CAST: variants seen among roughly 807,000 people sequenced by gnomAD.
CAST encodes MIR583 host.
In CAST, 76 loss-of-function variants were observed where a neutral mutation model predicts 119.6. That is an observed-to-expected ratio of 0.64 (90% CI 0.53 to 0.77). The LOEUF (loss-of-function observed/expected upper bound fraction) is 0.77, where lower values mean the gene tolerates loss of function less well. CAST is among the 30% of genes least tolerant of loss of function. The pLI, the probability that CAST is intolerant of heterozygous loss-of-function variation, is 0.00. For synonymous variants in CAST, 319 were observed against 331.6 expected, an observed-to-expected ratio of 0.96 and a Z score of 0.41; for missense variants, 953 against 946.5, an observed-to-expected ratio of 1.01 and a Z score of -0.09.
At chr5:96,691,833 TCA>T (rs1752760107) in intron 2 of CAST, among the ~76,000 whole-genome samples, 1 of 152,210 alleles carries the variant, frequency 6.6e-6, no homozygotes, top group Non-Finnish European at 1.5e-5. Context: ...GTGCCTTTCT[TCA>T]CAGAGTCATG....
At chr5:96,367,866 A>G in the CAST span, among the ~76,000 whole-genome samples, 1 of 151,918 alleles carries the variant, frequency 6.6e-6, no homozygotes, top group Non-Finnish European at 1.5e-5. Flanking sequence ...AGTGAGATGA[A>G]CCCAGTACCT....
chr5:96,077,762 C>A, the CAST span, among the ~76,000 whole-genome samples: 227 of 152,282 alleles, frequency 1.5e-3, 1 homozygote, highest in East Asian at 0.018. Context: ...CAGCTTGATG[C>A]CCTCACCACA....
At chr5:96,522,751 C>T (rs945968658), upstream of CAST, among the ~76,000 whole-genome samples, 1 of 152,160 alleles carries the variant, frequency 6.6e-6, no homozygotes, top group African/African-American at 2.4e-5. Context: ...CCTGCACTGC[C>T]TGCCTGCCTG....
the CAST span, among the ~76,000 whole-genome samples, chr5:96,060,442 A>G: frequency 6.6e-6 from 1 of 152,124 alleles, no homozygotes; most frequent in African/African-American, 2.4e-5. Context: ...CCTGGGGTCT[A>G]TTGGTTTGGG....
In CAST at chr5:96,540,856, A is replaced by G. The variant is rs188031023; in HGVS notation, c.60+10976A>G. The stretch of plus-strand genomic sequence containing the variant: ...TTTTTCTCATGCATAGTATAGAGGT[A>G]TGGGTTTGGGGGAGAAAAATTACAG... On this transcript the variant is annotated intron_variant, in intron 1 of 11. Transcript: ENST00000505143. 1.7e-3 allele frequency among the ~76,000 whole-genome samples: 266 copies of G among 152,310 alleles called. 2 individuals are homozygous for G. Among genetic ancestry groups the G allele is most frequent in the African/African-American group, 6.0e-3 (248 of 41,572 alleles).
rs145984418 is a variant in CAST, at chr5:96,646,112, AAAAATTGAT to A, written c.61-29422_61-29414del. On this transcript the variant is annotated intron_variant, in intron 1 of 11. Transcript: ENST00000505143. ...TTGTCGCATTACATTACAAAGATAA[AAAAATTGAT>A]AAAACACACCACCGTCAATATTGCA... Among the ~76,000 whole-genome samples the A allele has an allele frequency of 9.5e-3, 1,441 of 152,298 alleles. 28 individuals are homozygous for A. Among genetic ancestry groups the A allele is most frequent in the African/African-American group, 0.033 (1,371 of 41,558 alleles).
At chr5:96,760,654 G>A (rs1767612777) in intron 24 of CAST, among the ~76,000 whole-genome samples, 2 of 151,738 alleles carry the variant, frequency 1.3e-5, no homozygotes, top group African/African-American at 4.8e-5. Flanking sequence ...ATGTTTATTA[G>A]TAACAACAGA....
the CAST span, among the ~76,000 whole-genome samples, chr5:96,380,720 G>A: frequency 1.8e-4 from 28 of 152,250 alleles, no homozygotes; most frequent in African/African-American, 6.7e-4. Flanking sequence ...TTAATATTTA[G>A]AGGTTTTATT....
At chr5:96,431,393 C>G in the CAST span, among the ~76,000 whole-genome samples, 9 of 152,298 alleles carry the variant, frequency 5.9e-5, no homozygotes, top group East Asian at 1.7e-3. Context: ...CCCGAATTCC[C>G]TACTACTTTC....
At chr5:96,093,507 A>C in the CAST span, among the ~76,000 whole-genome samples, 2 of 152,198 alleles carry the variant, frequency 1.3e-5, no homozygotes, top group Non-Finnish European at 2.9e-5. Context: ...AGCCAGTCTG[A>C]CTGGAAAATA....
the CAST span, among the ~76,000 whole-genome samples, chr5:96,384,545 C>T: frequency 2.2e-4 from 33 of 152,308 alleles, no homozygotes; most frequent in African/African-American, 7.9e-4. Flanking sequence ...TCATCTTCCT[C>T]ACTGACCACA....
the CAST span, among the ~76,000 whole-genome samples, chr5:96,335,494 T>A: frequency 1.3e-5 from 2 of 152,206 alleles, no homozygotes; most frequent in South Asian, 2.1e-4. Flanking sequence ...TCTCCCTCCA[T>A]CTACCACCCA....
At chr5:96,433,155 G>T in the CAST span, 1 of 983,918 alleles carries the variant, frequency 1.0e-6, no homozygotes, top group Non-Finnish European at 1.6e-6. Flanking sequence ...ACCACTCCTG[G>T]CTCCTGGTTG....
At chr5:96,770,650 G>C (rs374215782) in intron 30 of CAST, 48 bp downstream of exon 30, 1 of 1,238,430 alleles carries the variant, frequency 8.1e-7, no homozygotes, top group Admixed American at 1.7e-5. Context: ...CAGTTACACA[G>C]AGTAGGGTTT....
chr5:96,356,128 T>C, the CAST span, among the ~76,000 whole-genome samples: 4 of 152,206 alleles, frequency 2.6e-5, no homozygotes, highest in Admixed American at 1.3e-4. Flanking sequence ...GGCCACATAA[T>C]TGTCTTCTTT....
chr5:96,095,431 G>A, the CAST span, among the ~76,000 whole-genome samples: 5 of 151,426 alleles, frequency 3.3e-5, no homozygotes, highest in East Asian at 5.8e-4. Context: ...CAATTAGCCA[G>A]GTGCCTGTAT....
At chr5:96,267,654 T>A in the CAST span, among the ~76,000 whole-genome samples, 1 of 152,082 alleles carries the variant, frequency 6.6e-6, no homozygotes, top group Non-Finnish European at 1.5e-5. Context: ...CCACCAGACC[T>A]GTCTTATAAG....
At chr5:96,349,540 G>A in the CAST span, among the ~76,000 whole-genome samples, 506 of 152,074 alleles carry the variant, frequency 3.3e-3, 3 homozygotes, top group Non-Finnish European at 5.5e-3. Context: ...ACTCTTTGGC[G>A]TCAGCAAGAC....
the CAST span, among the ~76,000 whole-genome samples, chr5:96,175,805 C>T: frequency 6.6e-6 from 1 of 152,178 alleles, no homozygotes; most frequent in East Asian, 1.9e-4. Flanking sequence ...TTAGTTTGCT[C>T]AAACTTTTGT....
Sources: gnomAD v4.1 joint callset for allele counts (sites outside exome capture counted in the v4.1 genomes callset) on GRCh38, gnomAD v4.1.1 for gene constraint, MANE v1.5 for transcripts, NCBI Gene and HGNC (gene_info 2026-07-23, HGNC 2026-07-21) for gene names.